GALNT17: variants seen among roughly 807,000 people sequenced by gnomAD.
GALNT17 encodes the protein UDP-GalNAc:polypeptide N-acetylgalactosaminyltransferase-like 3.
Under a neutral mutation model 63.7 loss-of-function variants are expected in GALNT17, and 29 were observed. That is an observed-to-expected ratio of 0.46 (90% CI 0.34 to 0.62). The LOEUF (loss-of-function observed/expected upper bound fraction) is 0.62. Among genes scored for constraint, GALNT17 ranks in the 20% least tolerant of loss-of-function variants. The pLI is 0.01. For synonymous variants in GALNT17, 305 were observed against 318.3 expected (o/e 0.96, Z 0.45); for missense variants, 603 against 799.6 (o/e 0.75, Z 2.97).
At chr7:71,362,188 C>A (rs1051261805) in intron 2 of GALNT17, among the ~76,000 whole-genome samples, 4 of 152,142 alleles carry the variant, frequency 2.6e-5, no homozygotes, top group African/African-American at 9.7e-5. Context: ...GAACCCCTGA[C>A]CTCAAGTGAT....
intron 5 of GALNT17, among the ~76,000 whole-genome samples, chr7:71,480,776 G>A (rs1787804523): frequency 6.6e-6 from 1 of 152,182 alleles, no homozygotes; most frequent in South Asian, 2.1e-4. Flanking sequence ...CAAAGCACTG[G>A]GATTACAGGC....
chr7:71,177,302 C>T (rs956369420), intron 1 of GALNT17, among the ~76,000 whole-genome samples: 1 of 152,102 alleles, frequency 6.6e-6, no homozygotes, highest in Non-Finnish European at 1.5e-5. Flanking sequence ...TCTCTGTCTC[C>T]AGTCACTCAG....
chr7:71,464,686 C>G (rs1306995402), intron 5 of GALNT17, among the ~76,000 whole-genome samples: 4 of 152,270 alleles, frequency 2.6e-5, no homozygotes, highest in South Asian at 2.1e-4. Context: ...TTCCATGTTG[C>G]TAGTCTCAGG....
intron 10 of GALNT17, among the ~76,000 whole-genome samples, chr7:71,711,308 G>A (rs1248162725): frequency 3.4e-5 from 4 of 118,116 alleles, no homozygotes; most frequent in South Asian, 6.3e-4. Flanking sequence ...CCCCACCAAC[G>A]CTCCTCACCT....
chr7:71,666,399 A>AT (rs950889601), intron 7 of GALNT17, among the ~76,000 whole-genome samples: 2 of 150,146 alleles, frequency 1.3e-5, no homozygotes, highest in African/African-American at 4.9e-5. Context: ...GCAGCACAAA[A>AT]TTTTTTTAAT....
intron 5 of GALNT17, among the ~76,000 whole-genome samples, chr7:71,422,273 G>C (rs767099938): frequency 6.6e-6 from 1 of 151,974 alleles, no homozygotes; most frequent in African/African-American, 2.4e-5. Flanking sequence ...TTTCTCTCTG[G>C]CACCCTTCAT....
intron 9 of GALNT17, among the ~76,000 whole-genome samples, chr7:71,701,816 CACATATATATACACATAT>C (rs1562742347): frequency 3.7e-4 from 2 of 5,378 alleles, no homozygotes; most frequent in Non-Finnish European, 1.8e-3. Flanking sequence ...TATATATATA[CACATATATATACACATAT>C]ATATATGTGT....
intron 2 of GALNT17, among the ~76,000 whole-genome samples, chr7:71,375,547 T>C (rs1792706130): frequency 6.6e-6 from 1 of 151,996 alleles, no homozygotes; most frequent in Admixed American, 6.6e-5. Context: ...TCCAGGTGAG[T>C]AGCTAAGACT....
chr7:71,178,673 A>G lies in GALNT17; in HGVS notation c.238+45633A>G, dbSNP rs557416582. On this transcript the variant is annotated intron_variant, in intron 1 of 10. Coordinates refer to ENST00000333538, the MANE Select transcript of GALNT17 (RefSeq NM_022479.3). ...TTCTGCTATCTTTGATATGCTGTTA[A>G]TCTCATTCCAGTTAGTGTATATTTT... is the stretch of plus-strand genomic sequence containing the variant. Among the ~76,000 whole-genome samples the G allele has an allele frequency of 2.0e-5, 3 of 152,222 alleles. No homozygotes were observed. The South Asian group carries it at 6.2e-4, about 32-fold the overall frequency.
chr7:71,297,125 C>T (rs1303428370), intron 1 of GALNT17, among the ~76,000 whole-genome samples: 1 of 152,202 alleles, frequency 6.6e-6, no homozygotes, highest in East Asian at 1.9e-4. Flanking sequence ...AGCAAGAAAA[C>T]AACTCTCCAG....
chr7:71,208,214 G>A (rs946914701), intron 1 of GALNT17, among the ~76,000 whole-genome samples: 2 of 152,070 alleles, frequency 1.3e-5, no homozygotes, highest in Non-Finnish European at 2.9e-5. Context: ...TGGGATTACA[G>A]TCATGAGCCA....
chr7:71,145,844 T>A, intron 1 of GALNT17, among the ~76,000 whole-genome samples: 1 of 152,122 alleles, frequency 6.6e-6, no homozygotes, highest in South Asian at 2.1e-4. Context: ...TAGCTGGGAT[T>A]ACAGGCGGCC....
At chr7:71,309,259 A>G (rs1035586466) in intron 1 of GALNT17, among the ~76,000 whole-genome samples, 1 of 152,146 alleles carries the variant, frequency 6.6e-6, no homozygotes, top group Non-Finnish European at 1.5e-5. Flanking sequence ...TGACTCAGTG[A>G]ATAAATCCAT....
intron 1 of GALNT17, among the ~76,000 whole-genome samples, chr7:71,231,548 T>C (rs570893790): frequency 2.0e-4 from 30 of 152,178 alleles, no homozygotes; most frequent in African/African-American, 7.0e-4. Flanking sequence ...GACAGACATC[T>C]TTTTCCCCCA....
Position 71,669,960 on chromosome 7 carries a change from C to T in GALNT17, c.1267-12C>T. ...CAGTCACTAACACCCCTTGGCTTCT[C>T]TCTCCTTTCAGAATCCGGGAATTGA... On this transcript the variant is annotated splice_polypyrimidine_tract_variant and intron_variant, in intron 7 of 10. Coordinates refer to ENST00000333538, the MANE Select transcript of GALNT17 (RefSeq NM_022479.3). The T allele has an allele frequency of 6.2e-7, 1 of 1,613,846 alleles. No individual in the cohort carries two copies.
intron 6 of GALNT17, among the ~76,000 whole-genome samples, chr7:71,622,393 G>A (rs962644832): frequency 3.3e-5 from 5 of 152,158 alleles, no homozygotes; most frequent in African/African-American, 7.2e-5. Flanking sequence ...AGACTTACTC[G>A]ATGAAAGCAG....
At chr7:71,287,445 G>C (rs561410932) in intron 1 of GALNT17, among the ~76,000 whole-genome samples, 1 of 152,054 alleles carries the variant, frequency 6.6e-6, no homozygotes, top group East Asian at 1.9e-4. Flanking sequence ...GATAAGAGGA[G>C]GGTTCCCACC....
intron 2 of GALNT17, among the ~76,000 whole-genome samples, chr7:71,365,518 G>A (rs1792487819): frequency 2.6e-5 from 4 of 152,198 alleles, no homozygotes; most frequent in Admixed American, 2.6e-4. Context: ...GGGATTATAG[G>A]CGTGAGCCAC....
At chr7:71,669,578 T>A (rs76247359) in intron 7 of GALNT17, among the ~76,000 whole-genome samples, 1 of 148,688 alleles carries the variant, frequency 6.7e-6, no homozygotes, top group African/African-American at 2.5e-5. Context: ...TTTTTTTTTT[T>A]TGAGACAAAG....
Sources: gnomAD v4.1 joint callset for allele counts (sites outside exome capture counted in the v4.1 genomes callset) on GRCh38, gnomAD v4.1.1 for gene constraint, MANE v1.5 for transcripts, NCBI Gene and HGNC (gene_info 2026-07-23, HGNC 2026-07-21) for gene names.